CCDC149: variants seen among roughly 807,000 people sequenced by gnomAD.
CCDC149 encodes coiled-coil domain containing 149, also known as coiled-coil domain-containing protein 149.
A neutral mutation model predicts 59.9 loss-of-function variants in CCDC149; 45 were observed. That is an observed-to-expected ratio of 0.75 (90% CI 0.59 to 0.96). The LOEUF is 0.96. Among genes scored for constraint, CCDC149 ranks in the 40% least tolerant of loss-of-function variants. The probability of loss-of-function intolerance (pLI) is 0.00; values close to 1 mark genes in which losing one functional copy is unlikely to be tolerated. For synonymous variants in CCDC149, 245 were observed against 260.6 expected, an observed-to-expected ratio of 0.94 and a Z score of 0.58; for missense variants, 584 against 664.7, an observed-to-expected ratio of 0.88 and a Z score of 1.33.
intron 6 of CCDC149, 59 bp from the exon 7 acceptor site, chr4:24,836,567 G>T (rs562776090): frequency 2.3e-5 from 27 of 1,178,436 alleles, no homozygotes; most frequent in Non-Finnish European, 3.3e-5. Flanking sequence ...AACACACACT[G>T]AAGTATAAGG....
At chr4:24,940,338 C>G (rs1384377736) in intron 1 of CCDC149, among the ~76,000 whole-genome samples, 1 of 152,084 alleles carries the variant, frequency 6.6e-6, no homozygotes, top group Admixed American at 6.6e-5. Context: ...TACAGACAAG[C>G]AAATGCTGAG....
At chr4:24,870,448 T>C (rs190042682) in intron 3 of CCDC149, among the ~76,000 whole-genome samples, 3 of 152,330 alleles carry the variant, frequency 2.0e-5, no homozygotes, top group East Asian at 1.9e-4. Flanking sequence ...TGAAGCATCC[T>C]ATCTCGTGCA....
At chr4:24,883,208 T>TC (rs1167609207) in intron 1 of CCDC149, among the ~76,000 whole-genome samples, 1 of 151,730 alleles carries the variant, frequency 6.6e-6, no homozygotes, top group East Asian at 1.9e-4. Context: ...CTTTTCTTTT[T>TC]TTTTTTTTTA....
chr4:24,956,116 G>C (rs533915200), intron 1 of CCDC149, among the ~76,000 whole-genome samples: 4 of 152,248 alleles, frequency 2.6e-5, no homozygotes, highest in South Asian at 4.1e-4. Flanking sequence ...AGGCCTCAAG[G>C]TTTTCATGTA....
In CCDC149 at chr4:24,971,622, A is replaced by G. The variant is rs540199936; in HGVS notation, c.-65+8447T>C. On this transcript the variant is annotated intron_variant, in intron 1 of 12. Coordinates refer to the CCDC149 transcript ENST00000389609. ...GAGTACAGCCATGTAGAAGCTGTCT[A>G]TGATTCCTCGAATGTTTTCCCAGCT... 3.9e-5 allele frequency among the ~76,000 whole-genome samples: 6 copies of G among 152,316 alleles called. No homozygotes were observed. The South Asian group carries it at 1.2e-3, about 32-fold the overall frequency.
chr4:24,974,819 G>C (rs1724105175), intron 1 of CCDC149, among the ~76,000 whole-genome samples: 1 of 151,858 alleles, frequency 6.6e-6, no homozygotes, highest in Admixed American at 6.6e-5. Context: ...TTTCTGGAGA[G>C]ACTGGGAAAA....
At position 24,955,954 on chromosome 4, in the gene CCDC149, C is replaced by T. The variant is rs550519333; in HGVS notation, c.-65+24115G>A. The stretch of plus-strand genomic sequence containing the variant: ...CTTCAGTTGAGTAACACTTTATTCA[C>T]ACCCTTCCTACAACCCCAAATAGAG... On this transcript the variant is annotated intron_variant, in intron 1 of 12. Coordinates refer to the CCDC149 transcript ENST00000389609. 1.1e-4 allele frequency among the ~76,000 whole-genome samples: 17 copies of T among 152,342 alleles called. No homozygotes were observed. In the East Asian group the frequency reaches 3.1e-3, roughly 28 times the overall value.
chr4:24,850,726 A>G (rs984237214), intron 4 of CCDC149, among the ~76,000 whole-genome samples: 1 of 152,080 alleles, frequency 6.6e-6, no homozygotes, highest in African/African-American at 2.4e-5. Context: ...GCCATAATTA[A>G]TTCAAAAAAA....
chr4:24,954,118 G>A (rs1296519468), intron 1 of CCDC149, among the ~76,000 whole-genome samples: 1 of 152,152 alleles, frequency 6.6e-6, no homozygotes, highest in East Asian at 1.9e-4. Flanking sequence ...AAGAAATAAT[G>A]GCTGAAAACT....
intron 3 of CCDC149, among the ~76,000 whole-genome samples, chr4:24,854,257 C>G (rs1475570162): frequency 6.6e-6 from 1 of 152,172 alleles, no homozygotes. Context: ...ATGGACTTGC[C>G]CTAATTCTCA....
chr4:24,919,788 G>T (rs971674906), intron 1 of CCDC149, among the ~76,000 whole-genome samples: 1 of 152,240 alleles, frequency 6.6e-6, no homozygotes, highest in African/African-American at 2.4e-5. Flanking sequence ...TGGGCCAGAT[G>T]ATCTTGAAGG....
intron 4 of CCDC149, among the ~76,000 whole-genome samples, chr4:24,848,446 G>A (rs1225209848): frequency 2.0e-5 from 3 of 152,092 alleles, no homozygotes; most frequent in Admixed American, 6.5e-5. Context: ...GCGCGTGCCT[G>A]TAGTCCCAGC....
intron 12 of CCDC149, 74 bp from the exon 13 acceptor site, chr4:24,808,893 C>T (rs1191752756): frequency 1.5e-6 from 2 of 1,348,140 alleles, no homozygotes; most frequent in Non-Finnish European, 1.0e-6. Context: ...CTGCCAACCT[C>T]CTGCCCAGCC....
intron 3 of CCDC149, among the ~76,000 whole-genome samples, chr4:24,871,343 T>C (rs1214147424): frequency 6.6e-6 from 1 of 152,152 alleles, no homozygotes; most frequent in Non-Finnish European, 1.5e-5. Flanking sequence ...TGGTACAGCA[T>C]CAATGAGCAC....
intron 1 of CCDC149, among the ~76,000 whole-genome samples, chr4:24,966,814 C>G (rs369341804): frequency 6.6e-6 from 1 of 152,138 alleles, no homozygotes; most frequent in African/African-American, 2.4e-5. Flanking sequence ...AAATGTAGAG[C>G]CTTTTCTGTT....
intron 1 of CCDC149, among the ~76,000 whole-genome samples, chr4:24,897,949 G>T (rs1434013397): frequency 1.3e-5 from 2 of 152,214 alleles, no homozygotes; most frequent in African/African-American, 2.4e-5. Context: ...GCACTCACCA[G>T]GTTGGAGCAA....
intron 1 of CCDC149, among the ~76,000 whole-genome samples, chr4:24,923,063 A>G (rs1722342783): frequency 6.6e-6 from 1 of 152,186 alleles, no homozygotes; most frequent in Non-Finnish European, 1.5e-5. Flanking sequence ...GAGAGAGTCT[A>G]TTATCAGAAG....
In CCDC149 at chr4:24,873,812, A is replaced by C. The variant is rs1339959011; in HGVS notation, c.226-93T>G. ...AACTAAATTATGAACCTAAATGTAG[A>C]CTCTCCCCACCCTCCCCACCCTGCA... is the stretch of plus-strand genomic sequence containing the variant. On this transcript the variant is annotated intron_variant, in intron 2 of 12. Coordinates refer to ENST00000635206, the MANE Select transcript of CCDC149 (RefSeq NM_001330643.2). 1.4e-5 allele frequency: 13 copies of C among 921,990 alleles called. No individual in the cohort carries two copies. In the Admixed American group the frequency reaches 2.5e-4, roughly 17 times the overall value. 57.1% of individuals were successfully genotyped at this position (921,990 alleles called of 1,614,324 possible).
At chr4:24,975,947 A>T (rs549225605) in intron 1 of CCDC149, among the ~76,000 whole-genome samples, 1 of 149,590 alleles carries the variant, frequency 6.7e-6, no homozygotes, top group Non-Finnish European at 1.5e-5. Context: ...AGGAAGAGAA[A>T]AGAAGAGAAA....
Sources: allele counts gnomAD v4.1 joint callset (sites outside exome capture counted in the v4.1 genomes callset), GRCh38; gene constraint gnomAD v4.1.1; transcripts MANE v1.5; gene names NCBI Gene and HGNC (gene_info 2026-07-23, HGNC 2026-07-21).